Variants in AATK observed in about 807,000 individuals in gnomAD.
AATK encodes the protein lemur tail kinase 1.
Under a neutral mutation model 114.3 loss-of-function variants are expected in AATK, and 91 were observed. The observed-to-expected ratio is 0.80, with a 90% CI of 0.67 to 0.95. AATK has a LOEUF of 0.95. Ranked by LOEUF, AATK falls within the 40% of genes least tolerant of loss-of-function variation. The probability of loss-of-function intolerance (pLI) is 0.00; values close to 1 mark genes in which losing one functional copy is unlikely to be tolerated. For missense variants in AATK, 2,176 were observed against 1,965.2 expected (o/e 1.11, Z -2.03); for synonymous variants, 1,075 against 916.5 (o/e 1.17, Z -3.12).
chr17:81,124,111 G>A (rs28508360), intron 9 of AATK, among the ~76,000 whole-genome samples: 11,678 of 152,230 alleles, frequency 0.077, 539 homozygotes, highest in African/African-American at 0.12. Flanking sequence ...GGCCTGGCCC[G>A]TGGGATCTGA....
At position 81,163,350 on chromosome 17, in the gene AATK, G is replaced by A. The variant is rs139628362; in HGVS notation, c.55+2588C>T. Among the ~76,000 whole-genome samples the A allele has an allele frequency of 8.5e-4, 130 of 152,250 alleles. 1 individual carries two copies. In the East Asian group the frequency reaches 0.013, roughly 15 times the overall value. ...CAGGTAGAAGGGGTGACCTCTGCTC[G>A]CTCAAGGCCATGCCACCCCCTTCCT... On this transcript the variant is annotated intron_variant, in intron 1 of 13. Transcript: ENST00000326724.
At chr17:81,127,266 G>GCCC (rs546577921) in intron 6 of AATK, among the ~76,000 whole-genome samples, 177 of 151,062 alleles carry the variant, frequency 1.2e-3, no homozygotes, top group African/African-American at 3.7e-3. Flanking sequence ...GTGGGCCAGT[G>GCCC]CCCCCCCCCA....
chr17:81,162,299 A>G (rs2061436588), intron 1 of AATK, among the ~76,000 whole-genome samples: 1 of 151,798 alleles, frequency 6.6e-6, no homozygotes, highest in African/African-American at 2.4e-5. Flanking sequence ...GAGAGGAAGT[A>G]GGGGGATGGG....
In AATK at chr17:81,122,425, T is replaced by G. The variant is rs1428422460; in HGVS notation, c.1511A>C (p.Glu504Ala). The G allele has an allele frequency of 6.9e-7, 1 of 1,457,906 alleles. No homozygotes were observed. The highest frequency in any genetic ancestry group is 9.0e-7 in the Non-Finnish European group (1 of 1,107,216). The allele number at this position is 1,457,906 out of a possible 1,614,324, so 90.3% of individuals were successfully genotyped here. The change falls in exon 11 of 14, where the codon GAG (glutamate) becomes GCG (alanine). Residue 504 changes from glutamate to alanine, a missense_variant. Transcript: ENST00000326724. Reference sequence around the variant, plus strand: ...GGGCGCGCCGTCGGGGGCGCACAGCTCCTGCAGGCGTGCGGTGCGGCCAGG... The same window carrying G: ...GGGCGCGCCGTCGGGGGCGCACAGCGCCTGCAGGCGTGCGGTGCGGCCAGG... Reference protein sequence around the residue: ...LSPGRTARLQELCAPDGAPPG... With the variant: ...LSPGRTARLQALCAPDGAPPG...
Position 81,118,337 on chromosome 17 carries a change from T to A in AATK, c.*65A>T. ...GTGGTCCCCACCTTCTCGGTCACCA[T>A]CCTCGCTGCTGCCTGGCAGGGGCTC... On this transcript the variant is annotated 3_prime_UTR_variant, in exon 14 of 14. Coordinates refer to ENST00000326724, the MANE Select transcript of AATK (RefSeq NM_001080395.3). 1.3e-6 allele frequency: 2 copies of A among 1,516,188 alleles called. No homozygotes were observed. Among genetic ancestry groups the A allele is most frequent in the South Asian group, 2.4e-5 (2 of 82,698 alleles). 93.9% of individuals were successfully genotyped at this position (1,516,188 alleles called of 1,614,324 possible).
In AATK at chr17:81,119,435, G is replaced by A. The variant is rs1323050111; in HGVS notation, c.4029C>T (p.Pro1343=). 14 of 1,522,086 alleles carry A rather than the reference G, an allele frequency of 9.2e-6. No individual in the cohort carries two copies. Among genetic ancestry groups the A allele is most frequent in the South Asian group, 2.5e-5 (2 of 80,056 alleles). The allele number at this position is 1,522,086 out of a possible 1,614,324, so 94.3% of individuals were successfully genotyped here. A position where few individuals can be genotyped will look rare whatever the true frequency, so the allele number is the denominator to read the frequency against. The change falls in exon 13 of 14, where the codon CCC becomes CCT. Residue 1343 remains proline (P), a synonymous_variant. Transcript: ENST00000326724. ...PFSRFTVSPA[P]TSRFSITHVS... is the part of the protein sequence containing the mutation. The stretch of plus-strand genomic sequence containing the variant: ...CGTGCGTGATGGAGAAGCGGGACGT[G>A]GGCGCGGGCGACACCGTGAAGCGCG...
At position 81,120,316 on chromosome 17, in the gene AATK, A is replaced by G. The variant is rs1329157686; in HGVS notation, c.3620T>C (p.Leu1207Pro). ...VVAESQSARN[L>P]RSLLKMPSLL... The stretch of plus-strand genomic sequence containing the variant: ...GCTGGGCATCTTGAGCAGGCTGCGC[A>G]GGTTGCGCGCGCTCTGGCTCTCAGC... The change falls in exon 11 of 14, where the codon CTG becomes CCG. Residue 1207 changes from leucine to proline, a missense_variant. Coordinates refer to ENST00000326724, the MANE Select transcript of AATK (RefSeq NM_001080395.3). 1.2e-6 allele frequency: 2 copies of G among 1,610,582 alleles called. No homozygotes were observed. The highest frequency in any genetic ancestry group is 2.7e-5 in the African/African-American group (2 of 74,932).
At chr17:81,161,345 G>A (rs1305755310) in intron 1 of AATK, among the ~76,000 whole-genome samples, 2 of 152,138 alleles carry the variant, frequency 1.3e-5, no homozygotes, top group Non-Finnish European at 2.9e-5. Flanking sequence ...CCGCGTGCAC[G>A]CCACTCCTCC....
At position 81,121,862 on chromosome 17, in the gene AATK, A is replaced by G. The variant is rs1260729256; in HGVS notation, c.2074T>C (p.Cys692Arg). The change falls in exon 11 of 14, where the codon TGT becomes CGT. Residue 692 changes from cysteine (C) to arginine (R), a missense_variant. Around this residue, in one of 4 missense-constraint regions of AATK, gnomAD observed 1,701 missense variants for 1,394.7 expected, o/e 1.22. Coordinates refer to ENST00000326724, the MANE Select transcript of AATK (RefSeq NM_001080395.3). ...VSANNNSGSR[C>R]PESWDPVSAG... ...GAGACGGGGTCCCAGGACTCTGGAC[A>G]GCGGCTGCCGCTGTTGTTGTTGGCT... 2 of 1,597,234 alleles carry G rather than the reference A, an allele frequency of 1.3e-6. No homozygotes were observed. The highest frequency in any genetic ancestry group is 2.2e-5 in the East Asian group (1 of 44,710).
intron 1 of AATK, among the ~76,000 whole-genome samples, chr17:81,143,191 C>T (rs937955069): frequency 1.8e-4 from 28 of 151,652 alleles, no homozygotes; most frequent in African/African-American, 6.1e-4. Context: ...CCACACCTGG[C>T]TCGATGAGCC....
At chr17:81,128,673 C>T (rs974836490) in intron 3 of AATK, 124 bp from the exon 4 acceptor site, 16 of 1,490,580 alleles carry the variant, frequency 1.1e-5, no homozygotes, top group African/African-American at 2.8e-5. Flanking sequence ...TCCCTAGCAC[C>T]AGCTGGCAAC....
chr17:81,119,507 C>A lies in AATK; in HGVS notation c.3957G>T (p.Pro1319=), dbSNP rs766667619. The change falls in exon 13 of 14, where the codon CCG becomes CCT. Residue 1319 remains proline (P), a synonymous_variant. Transcript: ENST00000326724. ...TGGGCGCAGCCGGGGCGGGTGCGGC[C>A]GGGTCTAGGGCCATGGCGAAGGCTG... ...AKAAFAMALD[P]AAPAPAAPTP... is the part of the protein sequence containing the mutation. The A allele has an allele frequency of 6.6e-7, 1 of 1,526,448 alleles. No individual in the cohort carries two copies. The highest frequency in any genetic ancestry group is 8.8e-7 in the Non-Finnish European group (1 of 1,139,594). 94.6% of individuals were successfully genotyped at this position (1,526,448 alleles called of 1,614,324 possible).
At chr17:81,122,997 G>A (rs553775466) in intron 10 of AATK, among the ~76,000 whole-genome samples, 174 bp from the exon 11 acceptor site, 8 of 152,292 alleles carry the variant, frequency 5.3e-5, no homozygotes, top group African/African-American at 1.4e-4. Flanking sequence ...GGGAGCAGGA[G>A]GTGGGCTGGG....
intron 1 of AATK, among the ~76,000 whole-genome samples, chr17:81,143,723 G>T (rs1175804435): frequency 6.6e-6 from 1 of 152,176 alleles, no homozygotes. Flanking sequence ...CCCCACGGTG[G>T]GTGGCCATGG....
chr17:81,128,722 AG>A (rs1241526602), intron 3 of AATK, 173 bp from the exon 4 acceptor site: 1 of 1,424,798 alleles, frequency 7.0e-7, no homozygotes, highest in African/African-American at 1.4e-5. Context: ...TCTTGAGAGC[AG>A]GGGCCGCTGC....
In AATK at chr17:81,121,050, G is replaced by C. The variant is rs2146285842; in HGVS notation, c.2886C>G (p.Ala962=). The C allele has an allele frequency of 1.2e-6, 2 of 1,609,302 alleles. No homozygotes were observed. The highest frequency in any genetic ancestry group is 4.5e-5 in the East Asian group (2 of 44,798). ...KEAQEGCEPQ[A]FAELASEGEG... ...CACCCTCTGAGGCCAGCTCCGCAAA[G>C]GCCTGGGGCTCACACCCTTCCTGCG... Residue 962 remains alanine (A), a synonymous_variant, in exon 11 of 14, where the codon GCC becomes GCG. Transcript: ENST00000326724.
rs545397692 is a variant in AATK, at chr17:81,151,308, G to A, written c.55+14630C>T. On this transcript the variant is annotated intron_variant, in intron 1 of 13. Coordinates refer to ENST00000326724, the MANE Select transcript of AATK (RefSeq NM_001080395.3). ...CCTGTCTCCCCCACCGACCCCTCCT[G>A]TCTCCCCCCTCACCCCTCCTCCCCC... Among the ~76,000 whole-genome samples, 160 of 43,142 alleles carry A rather than the reference G, an allele frequency of 3.7e-3. 2 individuals carry two copies. Among genetic ancestry groups the A allele is most frequent in the African/African-American group, 0.013 (144 of 10,860 alleles). 28.3% of individuals were successfully genotyped at this position (43,142 alleles called of 152,430 possible). A position where few individuals can be genotyped will look rare whatever the true frequency, so the allele number is the denominator to read the frequency against.
rs1402455224 is a variant in AATK, at chr17:81,126,664, G to A, written c.622-104C>T. On this transcript the variant is annotated intron_variant, in intron 6 of 13. Coordinates refer to ENST00000326724, the MANE Select transcript of AATK (RefSeq NM_001080395.3). This position sits in a 1 kb window ranked among gnomAD's most constrained non-coding sequence, Gnocchi z 5.1. ...CTCCTCCACCCCTACCCACAGCTGA[G>A]GGACAGCAGCTGCCCAGAGCAGCCT... 1 of 1,461,922 alleles carries A rather than the reference G, an allele frequency of 6.8e-7. No homozygotes were observed. Among genetic ancestry groups the A allele is most frequent in the Non-Finnish European group, 9.1e-7 (1 of 1,102,960 alleles). 90.6% of individuals were successfully genotyped at this position (1,461,922 alleles called of 1,614,324 possible). A position where few individuals can be genotyped will look rare whatever the true frequency, so the allele number is the denominator to read the frequency against.
Position 81,126,014 on chromosome 17 carries a change from C to T in AATK, c.755+413G>A. On this transcript the variant is annotated intron_variant, in intron 7 of 13. Transcript: ENST00000326724. This position sits in a 1 kb window ranked among gnomAD's most constrained non-coding sequence, Gnocchi z 5.1. ...TCCTTCGCCACTTCTTCCAGCATGT[C>T]CCCCCGGGGTCCCCAGGGGCTGGGC... 1 of 476,598 alleles carries T rather than the reference C, an allele frequency of 2.1e-6. No individual in the cohort carries two copies. The highest frequency in any genetic ancestry group is 2.0e-5 in the African/African-American group (1 of 50,396). The allele number at this position is 476,598 out of a possible 1,614,324, so 29.5% of individuals were successfully genotyped here. A position where few individuals can be genotyped will look rare whatever the true frequency, so the allele number is the denominator to read the frequency against.
Sources: gnomAD v4.1 joint callset for allele counts (sites outside exome capture counted in the v4.1 genomes callset) on GRCh38, gnomAD v4.1.1 for gene constraint, gnomAD v4.1.1 regional missense constraint, Gnocchi (gnomAD v3.1) non-coding constraint, MANE v1.5 for transcripts, NCBI Gene and HGNC (gene_info 2026-07-23, HGNC 2026-07-21) for gene names.